FHIP1A: variants seen among roughly 807,000 people sequenced by gnomAD.
FHIP1A encodes the protein FHF complex subunit HOOK-interacting protein 1A.
In FHIP1A, 61 loss-of-function variants were observed where a neutral mutation model predicts 88.6. The ratio of observed to expected loss-of-function variants is 0.69; its 90% confidence interval spans 0.56 to 0.85. FHIP1A has a LOEUF of 0.85. Among genes scored for constraint, FHIP1A ranks in the 40% least tolerant of loss-of-function variants. FHIP1A has a pLI of 0.00. For missense variants in FHIP1A, 1,154 were observed against 1,273.5 expected, an observed-to-expected ratio of 0.91 and a Z score of 1.43; for synonymous variants, 478 against 496.0, an observed-to-expected ratio of 0.96 and a Z score of 0.48.
intron 8 of FHIP1A, among the ~76,000 whole-genome samples, chr4:151,631,760 C>A (rs1560810301): frequency 6.6e-6 from 1 of 152,160 alleles, no homozygotes; most frequent in Non-Finnish European, 1.5e-5. Context: ...TGTCCCCTCC[C>A]CAACACAGTG....
At chr4:151,539,583 A>AG (rs1165205905) in intron 3 of FHIP1A, among the ~76,000 whole-genome samples, 2 of 151,656 alleles carry the variant, frequency 1.3e-5, no homozygotes, top group Non-Finnish European at 2.9e-5. Context: ...AAAAAAAAAA[A>AG]AAATACAGTG....
chr4:151,527,208 C>T (rs914665039), intron 3 of FHIP1A, among the ~76,000 whole-genome samples: 80 of 152,296 alleles, frequency 5.3e-4, no homozygotes, highest in African/African-American at 1.3e-3. Flanking sequence ...GCCGAGATCA[C>T]GCCACTGCAC....
chr4:151,569,837 T>C (rs1560774533), intron 4 of FHIP1A, among the ~76,000 whole-genome samples: 1 of 152,114 alleles, frequency 6.6e-6, no homozygotes, highest in Non-Finnish European at 1.5e-5. Context: ...GGGAGAGACC[T>C]TAAATGGCCC....
intron 2 of FHIP1A, among the ~76,000 whole-genome samples, chr4:151,458,078 C>T (rs2724573): frequency 0.35 from 53,478 of 151,946 alleles, 10,011 homozygotes; most frequent in Non-Finnish European, 0.43. Context: ...TCTGTCTTCA[C>T]AGTAAAGGTA....
At chr4:151,438,663 C>T (rs951383754) in intron 1 of FHIP1A, among the ~76,000 whole-genome samples, 1 of 135,398 alleles carries the variant, frequency 7.4e-6, no homozygotes. Context: ...ACCTAATAGA[C>T]AAGAATCTGG....
chr4:151,569,422 G>T (rs1388134749), intron 4 of FHIP1A, among the ~76,000 whole-genome samples: 1 of 151,644 alleles, frequency 6.6e-6, no homozygotes, highest in Non-Finnish European at 1.5e-5. Flanking sequence ...CATGGTGGCG[G>T]GTGCCTGTAA....
chr4:151,415,153 G>T (rs1028746122), intron 1 of FHIP1A, among the ~76,000 whole-genome samples: 9 of 149,926 alleles, frequency 6.0e-5, no homozygotes, highest in Non-Finnish European at 1.0e-4. Flanking sequence ...TGGCTGTATA[G>T]TAATGCATTG....
intron 2 of FHIP1A, among the ~76,000 whole-genome samples, chr4:151,472,155 A>T (rs374337837): frequency 3.3e-5 from 5 of 152,282 alleles, no homozygotes; most frequent in East Asian, 3.9e-4. Flanking sequence ...TACATATGTG[A>T]TTACAGGGCT....
chr4:151,483,916 A>C (rs1331683333), intron 3 of FHIP1A, among the ~76,000 whole-genome samples: 1 of 152,186 alleles, frequency 6.6e-6, no homozygotes, highest in African/African-American at 2.4e-5. Flanking sequence ...GTGGTATTGC[A>C]TAAATTTGGA....
rs540628557 is a variant in FHIP1A at position 151,445,539 on chromosome 4, A to G, written c.-355-9162A>G. ...TTGATTCTGATGACAACCAGCCCCTATCCTCCAGGAGTCACCTCATTAACA... is the reference window on the plus strand; with the variant it reads ...TTGATTCTGATGACAACCAGCCCCTGTCCTCCAGGAGTCACCTCATTAACA... On this transcript the variant is annotated intron_variant, in intron 1 of 13. Coordinates refer to ENST00000435205, the MANE Select transcript of FHIP1A (RefSeq NM_001109977.3). 9.2e-5 allele frequency among the ~76,000 whole-genome samples: 14 copies of G among 152,110 alleles called. No individual in the cohort carries two copies. In the South Asian group the frequency reaches 2.7e-3, roughly 29 times the overall value.
At chr4:151,425,139 C>G (rs1209465491) in intron 1 of FHIP1A, among the ~76,000 whole-genome samples, 1 of 152,154 alleles carries the variant, frequency 6.6e-6, no homozygotes, top group Non-Finnish European at 1.5e-5. Flanking sequence ...AGGAAATACA[C>G]AGAACCATCT....
rs111734450 is a variant in FHIP1A at position 151,452,936 on chromosome 4, G to GTATATATATATATATATATATA, written c.-355-1749_-355-1748insTATATATATATATATATATATA. Among the ~76,000 whole-genome samples, 181 of 146,166 alleles carry GTATATATATATATATATATATA rather than the reference G, an allele frequency of 1.2e-3. 3 individuals are homozygous for GTATATATATATATATATATATA. The highest frequency in any genetic ancestry group is 4.5e-3 in the African/African-American group (172 of 38,272). ...TTCCTATGTCTGCAGACATTGAAAC[G>GTATATATATATATATATATATA]TATATATATATATATACATACACAC... On this transcript the variant is annotated intron_variant, in intron 1 of 13. Transcript: ENST00000435205.
chr4:151,528,280 G>T (rs1443754197), intron 3 of FHIP1A, among the ~76,000 whole-genome samples: 2 of 152,296 alleles, frequency 1.3e-5, no homozygotes, highest in South Asian at 4.1e-4. Flanking sequence ...TTATGCAGTA[G>T]TGCTCCTCTA....
chr4:151,537,998 A>G (rs989451730), intron 3 of FHIP1A, among the ~76,000 whole-genome samples: 3 of 152,144 alleles, frequency 2.0e-5, no homozygotes, highest in African/African-American at 7.2e-5. Context: ...CTTCATCCTG[A>G]CCAGGAAGGA....
intron 2 of FHIP1A, among the ~76,000 whole-genome samples, chr4:151,463,569 G>A (rs1287700951): frequency 3.3e-5 from 5 of 152,172 alleles, no homozygotes; most frequent in African/African-American, 7.2e-5. Context: ...AAAGCTACTC[G>A]TAAAATATAT....
intron 7 of FHIP1A, among the ~76,000 whole-genome samples, chr4:151,616,994 C>T (rs1292564452): frequency 6.6e-6 from 1 of 152,070 alleles, no homozygotes; most frequent in African/African-American, 2.4e-5. Context: ...GTACTCTGCC[C>T]GCCTCAGCCT....
intron 2 of FHIP1A, among the ~76,000 whole-genome samples, chr4:151,462,907 C>T (rs931839176): frequency 1.2e-4 from 18 of 152,046 alleles, no homozygotes; most frequent in East Asian, 3.9e-4. Flanking sequence ...GTATTTTATG[C>T]GGAATTACAT....
intron 1 of FHIP1A, among the ~76,000 whole-genome samples, chr4:151,415,013 G>T (rs920029194): frequency 6.6e-6 from 1 of 151,654 alleles, no homozygotes; most frequent in African/African-American, 2.4e-5. Context: ...TATTATTAAC[G>T]TGGTTGTTAA....
At chr4:151,474,684 C>T (rs1314869859) in intron 2 of FHIP1A, among the ~76,000 whole-genome samples, 2 of 152,208 alleles carry the variant, frequency 1.3e-5, no homozygotes, top group Non-Finnish European at 2.9e-5. Flanking sequence ...GTATGTGTGT[C>T]TGCCCATGCC....
Sources: allele counts gnomAD v4.1 joint callset (sites outside exome capture counted in the v4.1 genomes callset), GRCh38; gene constraint gnomAD v4.1.1; transcripts MANE v1.5; gene names NCBI Gene and HGNC (gene_info 2026-07-23, HGNC 2026-07-21).